GCLC: variants seen among roughly 807,000 people sequenced by gnomAD.
The protein encoded by GCLC is glutamate-cysteine ligase catalytic subunit.
GCLC carries 30 observed loss-of-function variants against 81.5 expected under a neutral mutation model. The ratio of observed to expected loss-of-function variants is 0.37; its 90% CI spans 0.28 to 0.50. The LOEUF (loss-of-function observed/expected upper bound fraction) is 0.50. GCLC is among the 20% of genes least tolerant of loss of function. GCLC has a pLI of 0.96. For missense variants in GCLC, 556 were observed against 777.4 expected (o/e 0.72, Z 3.39); for synonymous variants, 262 against 273.3 (o/e 0.96, Z 0.41).
intron 12 of GCLC, chr6:53,501,025 T>G: frequency 5.1e-6 from 1 of 194,564 alleles, no homozygotes; most frequent in East Asian, 1.4e-4. Context: ...AAGCAATTCT[T>G]TGTGCCTCAG....
Position 53,505,431 on chromosome 6 carries a change from G to C in GCLC, c.1356C>G (p.Ile452Met). ...VVFVVLLTRV[I>M]LSYKLDFLIP... is the part of the protein sequence containing the mutation. ...TGAGAAAATCCAATTTGTAGGAAAG[G>C]ATCACTCTGGTGAGCAGTACCACAA... is the stretch of plus-strand genomic sequence containing the variant. Residue 452 changes from isoleucine to methionine, a missense_variant, in exon 12 of 16, where the codon ATC (isoleucine) becomes ATG (methionine). By Grantham distance (10) the Ile-to-Met change is conservative. Around this residue, in one of 3 missense-constraint regions of GCLC, gnomAD observed 313 missense variants for 437.3 expected, o/e 0.72. Transcript: ENST00000650454. The C allele has an allele frequency of 6.2e-7, 1 of 1,603,876 alleles. No individual in the cohort carries two copies. Among genetic ancestry groups the C allele is most frequent in the African/African-American group, 1.3e-5 (1 of 74,760 alleles).
Position 53,498,803 on chromosome 6 carries a change from A to G in GCLC, c.1867T>C (p.Phe623Leu). The G allele has an allele frequency of 1.9e-6, 3 of 1,613,530 alleles. No individual in the cohort carries two copies. Among genetic ancestry groups the G allele is most frequent in the Non-Finnish European group, 1.7e-6 (2 of 1,179,478 alleles). ...CTTCCACTATATTTTACTTTCCTAA[A>G]TGCTGATCCAAGTAACTCTGGGCAT... ...CECPELLGSAFRKVKYSGSKT... is the reference protein window; with the variant it reads ...CECPELLGSALRKVKYSGSKT... Residue 623 changes from phenylalanine to leucine, a missense_variant, in exon 16 of 16, where the codon TTT becomes CTT. By Grantham distance (22) the Phe-to-Leu change is conservative. This residue lies in a region of GCLC where 313 missense variants were observed against 437.3 expected (regional missense o/e 0.72). Transcript: ENST00000650454.
At chr6:53,534,414 ACACTTC>A (rs1763223249) in intron 1 of GCLC, among the ~76,000 whole-genome samples, 1 of 151,866 alleles carries the variant, frequency 6.6e-6, no homozygotes, top group Admixed American at 6.6e-5. Flanking sequence ...AAAGTGGGAA[ACACTTC>A]CACTTCTAAT....
At chr6:53,505,305 A>C (rs1427544742) in intron 12 of GCLC, 87 bp downstream of exon 12, 1 of 727,346 alleles carries the variant, frequency 1.4e-6, no homozygotes, top group South Asian at 1.5e-5. Flanking sequence ...ATTTCAAATG[A>C]AATTAGGTGG....
At chr6:53,508,174 C>T (rs1404544106) in intron 8 of GCLC, among the ~76,000 whole-genome samples, 1 of 152,022 alleles carries the variant, frequency 6.6e-6, no homozygotes, top group Non-Finnish European at 1.5e-5. Flanking sequence ...CTGATGCACA[C>T]CCCTTGTTGG....
chr6:53,531,402 T>C (rs1318828276), intron 1 of GCLC, among the ~76,000 whole-genome samples: 1 of 152,220 alleles, frequency 6.6e-6, no homozygotes, highest in East Asian at 1.9e-4. Flanking sequence ...TGGCATGGAA[T>C]GCTGTCTAAC....
At chr6:53,525,359 G>A (rs1214022405) in intron 1 of GCLC, among the ~76,000 whole-genome samples, 5 of 152,082 alleles carry the variant, frequency 3.3e-5, no homozygotes, top group Non-Finnish European at 5.9e-5. Flanking sequence ...GCTGAAATGG[G>A]GTTTGACGCA....
chr6:53,537,443 C>G (rs1763274618), intron 1 of GCLC, among the ~76,000 whole-genome samples: 1 of 152,136 alleles, frequency 6.6e-6, no homozygotes, highest in Non-Finnish European at 1.5e-5. Flanking sequence ...TTAATTTGTG[C>G]TCTATATCTT....
chr6:53,534,477 C>CAAAACAA (rs1042767147), intron 1 of GCLC, among the ~76,000 whole-genome samples: 1 of 29,498 alleles, frequency 3.4e-5, no homozygotes, highest in African/African-American at 1.4e-4. Context: ...CCTGAAAAAC[C>CAAAACAA]AAAAAACAAA....
chr6:53,544,440 C>T, intron 1 of GCLC, 56 bp downstream of exon 1: 3 of 1,581,080 alleles, frequency 1.9e-6, no homozygotes, highest in Non-Finnish European at 2.6e-6. Flanking sequence ...AAGACAAAGG[C>T]AGCGCGGGCG....
intron 1 of GCLC, among the ~76,000 whole-genome samples, chr6:53,530,953 G>A (rs993418948): frequency 2.6e-5 from 4 of 152,098 alleles, no homozygotes; most frequent in Non-Finnish European, 4.4e-5. Context: ...CTATTTGGGC[G>A]GTAATAGGTG....
chr6:53,517,079 ATTTTTTTT>A (rs71546114), intron 3 of GCLC, among the ~76,000 whole-genome samples: 4 of 104,414 alleles, frequency 3.8e-5, no homozygotes, highest in African/African-American at 1.6e-4. Context: ...TTAAAAAAAA[ATTTTTTTT>A]TTTTTTTTTT....
At chr6:53,543,456 A>C (rs1416627874) in intron 1 of GCLC, among the ~76,000 whole-genome samples, 1 of 152,208 alleles carries the variant, frequency 6.6e-6, no homozygotes, top group Non-Finnish European at 1.5e-5. Flanking sequence ...AAAAAAAAAA[A>C]AAACTAACTT....
At chr6:53,523,887 G>C (rs1408376802) in intron 1 of GCLC, 1 of 152,116 alleles carries the variant, frequency 6.6e-6, no homozygotes, top group African/African-American at 2.4e-5. Flanking sequence ...TCAAGAAATG[G>C]AAAAGTCTGC....
At chr6:53,538,136 C>CTTTTTTTTTTTTTTTT (rs10588842) in intron 1 of GCLC, among the ~76,000 whole-genome samples, 1 of 78,904 alleles carries the variant, frequency 1.3e-5, no homozygotes, top group African/African-American at 5.2e-5. Context: ...TTTTTCTTTC[C>CTTTTTTTTTTTTTTTT]TTTTTTTTTT....
intron 4 of GCLC, among the ~76,000 whole-genome samples, chr6:53,515,068 A>G (rs1764839838): frequency 6.6e-6 from 1 of 152,230 alleles, no homozygotes; most frequent in African/African-American, 2.4e-5. Flanking sequence ...CAGATTTTGA[A>G]GACTCCGTAC....
At chr6:53,516,328 C>A in intron 3 of GCLC, 106 bp from the exon 4 acceptor site, 2 of 757,810 alleles carry the variant, frequency 2.6e-6, no homozygotes, top group Non-Finnish European at 4.8e-6. Context: ...TTCTAGTATC[C>A]CCTTTTCAGA....
At chr6:53,507,667 G>A (rs1055939629) in intron 8 of GCLC, 49 bp from the exon 9 acceptor site, 1 of 778,670 alleles carries the variant, frequency 1.3e-6, no homozygotes, top group African/African-American at 1.8e-5. Flanking sequence ...AAAATGAGTG[G>A]AATATATTTT....
At chr6:53,504,848 C>G (rs1764583104) in intron 12 of GCLC, among the ~76,000 whole-genome samples, 1 of 152,206 alleles carries the variant, frequency 6.6e-6, no homozygotes, top group South Asian at 2.1e-4. Flanking sequence ...CCCAGCCACT[C>G]TCTGCCAAGA....
Sources: allele counts gnomAD v4.1 joint callset (sites outside exome capture counted in the v4.1 genomes callset), GRCh38; gene constraint gnomAD v4.1.1; regional missense constraint gnomAD v4.1.1; transcripts MANE v1.5; gene names NCBI Gene and HGNC (gene_info 2026-07-23, HGNC 2026-07-21).